Variants in COL13A1 observed in about 807,000 individuals in gnomAD.
The protein encoded by COL13A1 is collagen type XIII alpha 1 chain.
A neutral mutation model predicts 130.9 loss-of-function variants in COL13A1; 89 were observed. The ratio of observed to expected loss-of-function variants is 0.68; its 90% CI spans 0.57 to 0.81. COL13A1 has a LOEUF of 0.81. Among genes scored for constraint, COL13A1 ranks in the 30% least tolerant of loss-of-function variants. The pLI, the probability that COL13A1 is intolerant of heterozygous loss-of-function variation, is 0.00. For synonymous variants in COL13A1, 402 were observed against 341.6 expected, an observed-to-expected ratio of 1.18 and a Z score of -1.95; for missense variants, 879 against 934.6, an observed-to-expected ratio of 0.94 and a Z score of 0.78.
chr10:69,928,643 C>G (rs2065690950), intron 27 of COL13A1, among the ~76,000 whole-genome samples: 1 of 152,174 alleles, frequency 6.6e-6, no homozygotes, highest in African/African-American at 2.4e-5. Context: ...GAAGGTCAGA[C>G]TTAGCTTCTT....
intron 7 of COL13A1, among the ~76,000 whole-genome samples, chr10:69,881,083 C>T (rs556682207): frequency 1.1e-4 from 17 of 152,312 alleles, no homozygotes; most frequent in South Asian, 4.2e-4. Flanking sequence ...AGAAAACCAG[C>T]GAGGCTCCCC....
In COL13A1 at chr10:69,802,462, T is replaced by C; in HGVS notation, c.39T>C (p.Gly13=). 1 of 1,505,772 alleles carries C rather than the reference T, an allele frequency of 6.6e-7. No individual in the cohort carries two copies. Among genetic ancestry groups the C allele is most frequent in the Non-Finnish European group, 8.8e-7 (1 of 1,132,686 alleles). The allele number at this position is 1,505,772 out of a possible 1,614,324, so 93.3% of individuals were successfully genotyped here. A position where few individuals can be genotyped will look rare whatever the true frequency, so the allele number is the denominator to read the frequency against. ...GCACCCACAAAGCGGCAGCCACCGG[T>C]GCCCGCGGCCCTGGGGAGTTGGGCG... The part of the protein sequence containing the change: ...AERTHKAAAT[G]ARGPGELGAP... Residue 13 remains glycine (G), a synonymous_variant, in exon 1 of 41, where the codon GGT becomes GGC. Transcript: ENST00000645393.
intron 30 of COL13A1, chr10:69,931,250 G>A (rs765039091): frequency 8.8e-6 from 4 of 455,406 alleles, no homozygotes; most frequent in South Asian, 6.2e-5. Flanking sequence ...GGCTCCTGAG[G>A]TTTACAGTGA....
At chr10:69,951,939 A>G (rs2069633489) in intron 38 of COL13A1, among the ~76,000 whole-genome samples, 1 of 152,248 alleles carries the variant, frequency 6.6e-6, no homozygotes, top group South Asian at 2.1e-4. Flanking sequence ...GGAAACACAT[A>G]TAAAAATGCA....
chr10:69,958,397 CT>C (rs2071209400), intron 40 of COL13A1, among the ~76,000 whole-genome samples: 1 of 152,204 alleles, frequency 6.6e-6, no homozygotes, highest in South Asian at 2.1e-4. Flanking sequence ...TCATTCACAC[CT>C]TAAGTCCAAT....
intron 17 of COL13A1, among the ~76,000 whole-genome samples, chr10:69,913,415 C>G (rs1382737950): frequency 1.3e-5 from 2 of 152,154 alleles, no homozygotes; most frequent in East Asian, 3.9e-4. Flanking sequence ...AAAACCAAGA[C>G]AGTGATGAGT....
At chr10:69,869,166 C>T (rs959523948) in intron 3 of COL13A1, among the ~76,000 whole-genome samples, 2 of 152,150 alleles carry the variant, frequency 1.3e-5, no homozygotes, top group African/African-American at 2.4e-5. Context: ...TGTGCTGGCC[C>T]GACCCAGGGA....
At chr10:69,921,557 G>A (rs1472313853) in intron 21 of COL13A1, among the ~76,000 whole-genome samples, 1 of 152,226 alleles carries the variant, frequency 6.6e-6, no homozygotes, top group African/African-American at 2.4e-5. Flanking sequence ...TCTCCCAGGA[G>A]ACCGCCAGGA....
chr10:69,947,444 C>A, intron 38 of COL13A1, 102 bp downstream of exon 38: 2 of 1,130,086 alleles, frequency 1.8e-6, no homozygotes, highest in South Asian at 3.0e-5. Flanking sequence ...AACAGTTTTT[C>A]CTGATAAGTC....
intron 6 of COL13A1, among the ~76,000 whole-genome samples, chr10:69,880,002 G>T (rs1299804920): frequency 6.6e-6 from 1 of 152,186 alleles, no homozygotes; most frequent in Admixed American, 6.5e-5. Context: ...CTGTTCAGCA[G>T]TTGCAGGGTG....
At chr10:69,840,631 G>A (rs1377832990) in intron 2 of COL13A1, among the ~76,000 whole-genome samples, 1 of 152,184 alleles carries the variant, frequency 6.6e-6, no homozygotes, top group Non-Finnish European at 1.5e-5. Context: ...ATTAAAGGAA[G>A]TCCTGCTTCT....
At chr10:69,827,837 C>A (rs1473012359) in intron 2 of COL13A1, among the ~76,000 whole-genome samples, 2 of 152,178 alleles carry the variant, frequency 1.3e-5, no homozygotes, top group Admixed American at 1.3e-4. Flanking sequence ...TGGGCAGGAC[C>A]TGTAGCCAGA....
intron 10 of COL13A1, among the ~76,000 whole-genome samples, chr10:69,892,609 G>C (rs1286264710): frequency 6.6e-6 from 1 of 152,212 alleles, no homozygotes; most frequent in Non-Finnish European, 1.5e-5. Context: ...CCGAGAAGCA[G>C]ACAGGCGCCT....
intron 1 of COL13A1, among the ~76,000 whole-genome samples, chr10:69,822,104 A>G (rs1564758123): frequency 6.6e-6 from 1 of 152,318 alleles, no homozygotes; most frequent in Non-Finnish European, 1.5e-5. Flanking sequence ...CAACTGGTTT[A>G]TAGGATCCTG....
At chr10:69,945,851 T>C (rs1164206305) in intron 37 of COL13A1, 127 bp downstream of exon 37, 1 of 1,169,742 alleles carries the variant, frequency 8.5e-7, no homozygotes, top group Non-Finnish European at 1.2e-6. Flanking sequence ...GGCGGGCGCA[T>C]CACGAGGTCA....
At chr10:69,818,107 T>A (rs908527728) in intron 1 of COL13A1, among the ~76,000 whole-genome samples, 1 of 152,140 alleles carries the variant, frequency 6.6e-6, no homozygotes, top group Non-Finnish European at 1.5e-5. Context: ...TGCCCATGCC[T>A]ACCCTGCTGG....
intron 17 of COL13A1, among the ~76,000 whole-genome samples, chr10:69,907,847 C>T (rs952038198): frequency 4.6e-5 from 7 of 152,240 alleles, no homozygotes; most frequent in South Asian, 2.1e-4. Context: ...CCCACTCCCG[C>T]GACAGCAACA....
At chr10:69,879,739 C>T (rs761190942) in intron 6 of COL13A1, among the ~76,000 whole-genome samples, 9 of 152,276 alleles carry the variant, frequency 5.9e-5, no homozygotes, top group East Asian at 1.9e-4. Context: ...GACACACACA[C>T]GCACACATGG....
At chr10:69,848,286 C>T (rs1240782434) in intron 2 of COL13A1, among the ~76,000 whole-genome samples, 1 of 152,212 alleles carries the variant, frequency 6.6e-6, no homozygotes, top group African/African-American at 2.4e-5. Context: ...TTAAAATCAT[C>T]CTATACCTCC....
Sources: gnomAD v4.1 joint callset for allele counts (sites outside exome capture counted in the v4.1 genomes callset) on GRCh38, gnomAD v4.1.1 for gene constraint, MANE v1.5 for transcripts, NCBI Gene and HGNC (gene_info 2026-07-23, HGNC 2026-07-21) for gene names.